TP63: variants seen among roughly 807,000 people sequenced by gnomAD.
TP63 encodes the protein tumor protein 63.
TP63 carries 17 observed loss-of-function variants against 82.8 expected under a neutral mutation model. The ratio of observed to expected loss-of-function variants is 0.21; its 90% CI spans 0.14 to 0.31. TP63 has a LOEUF of 0.31. Among genes scored for constraint, TP63 ranks in the 10% least tolerant of loss-of-function variants. The pLI is 1.00. For missense variants in TP63, 648 were observed against 895.3 expected, an observed-to-expected ratio of 0.72 and a Z score of 3.52; for synonymous variants, 330 against 321.7, an observed-to-expected ratio of 1.03 and a Z score of -0.28.
intron 3 of TP63, among the ~76,000 whole-genome samples, chr3:189,770,982 T>A (rs1042123395): frequency 6.6e-6 from 1 of 152,110 alleles, no homozygotes; most frequent in African/African-American, 2.4e-5. Flanking sequence ...TTTATTACCC[T>A]TGCTCCTCAC....
chr3:189,842,020 G>T (rs1714195116), intron 4 of TP63, among the ~76,000 whole-genome samples: 1 of 152,226 alleles, frequency 6.6e-6, no homozygotes, highest in Admixed American at 6.5e-5. Flanking sequence ...GGGAAAACCA[G>T]TTTGGGCCCA....
chr3:189,783,440 T>G (rs1365510037), intron 3 of TP63, among the ~76,000 whole-genome samples: 1 of 151,950 alleles, frequency 6.6e-6, no homozygotes, highest in African/African-American at 2.4e-5. Flanking sequence ...ATACATTGTG[T>G]ATTTTCTATA....
chr3:189,705,627 G>A (rs73892314), intron 1 of TP63, among the ~76,000 whole-genome samples: 1,705 of 152,104 alleles, frequency 0.011, 31 homozygotes, highest in African/African-American at 0.039. Flanking sequence ...CAATGGGAGA[G>A]CATATGGAGT....
At chr3:189,891,147 A>G (rs1037487388) in intron 13 of TP63, among the ~76,000 whole-genome samples, 9 of 152,212 alleles carry the variant, frequency 5.9e-5, no homozygotes, top group African/African-American at 2.2e-4. Flanking sequence ...AAGGTGGGAA[A>G]GAGGAGCTAT....
upstream of TP63, among the ~76,000 whole-genome samples, chr3:189,626,942 G>A (rs1212096674): frequency 1.3e-5 from 2 of 150,856 alleles, no homozygotes; most frequent in Non-Finnish European, 3.0e-5. Flanking sequence ...TTGTTTGTTT[G>A]TGTGTTTTTT....
chr3:189,697,074 A>T (rs553902369), intron 1 of TP63, among the ~76,000 whole-genome samples: 3 of 152,090 alleles, frequency 2.0e-5, no homozygotes, highest in African/African-American at 4.8e-5. Context: ...TTCTGAGATT[A>T]TACATTTTAT....
chr3:189,773,034 C>T (rs1723493762), intron 3 of TP63, among the ~76,000 whole-genome samples: 1 of 152,124 alleles, frequency 6.6e-6, no homozygotes, highest in Non-Finnish European at 1.5e-5. Context: ...AATAAATCAG[C>T]GAAAATGTTT....
At chr3:189,604,016 C>T in the TP63 span, among the ~76,000 whole-genome samples, 1 of 151,962 alleles carries the variant, frequency 6.6e-6, no homozygotes, top group Non-Finnish European at 1.5e-5. Flanking sequence ...GTAAATAGAA[C>T]ACTTGAAAAA....
chr3:189,887,203 A>G (rs1484891898), intron 11 of TP63, among the ~76,000 whole-genome samples: 1 of 143,968 alleles, frequency 6.9e-6, no homozygotes, highest in Non-Finnish European at 1.5e-5. Flanking sequence ...AGTGAGACTC[A>G]GTCTCAAAAA....
chr3:189,867,690 C>T, intron 6 of TP63, 143 bp from the exon 7 acceptor site: 2 of 770,804 alleles, frequency 2.6e-6, no homozygotes, highest in South Asian at 3.0e-5. Flanking sequence ...GAAAAATCTA[C>T]AACAGGGTTC....
chr3:189,605,785 G>T, the TP63 span, among the ~76,000 whole-genome samples: 5 of 151,854 alleles, frequency 3.3e-5, no homozygotes, highest in East Asian at 1.9e-4. Context: ...AAAAAAATAA[G>T]AAGTCTTTCA....
intron 1 of TP63, among the ~76,000 whole-genome samples, chr3:189,641,408 A>G (rs1191545912): frequency 6.6e-6 from 1 of 152,148 alleles, no homozygotes; most frequent in Non-Finnish European, 1.5e-5. Context: ...GTGACTTGCT[A>G]CTACTTATAT....
intron 3 of TP63, among the ~76,000 whole-genome samples, chr3:189,778,467 T>A (rs959308016): frequency 6.6e-6 from 1 of 152,214 alleles, no homozygotes; most frequent in Non-Finnish European, 1.5e-5. Context: ...TTTCCTATTA[T>A]GTGAACCAGT....
chr3:189,745,577 C>T (rs1269401396), intron 3 of TP63, among the ~76,000 whole-genome samples: 2 of 151,690 alleles, frequency 1.3e-5, no homozygotes, highest in Non-Finnish European at 2.9e-5. Flanking sequence ...CGTGATGGCG[C>T]ATGCCTGTAA....
intron 1 of TP63, among the ~76,000 whole-genome samples, chr3:189,682,576 A>ATG (rs1716071647): frequency 2.0e-5 from 1 of 49,194 alleles, no homozygotes; most frequent in Non-Finnish European, 4.4e-5. Flanking sequence ...ATATATATAT[A>ATG]TATATATATA....
At chr3:189,769,285 A>G (rs915731586) in intron 3 of TP63, among the ~76,000 whole-genome samples, 2 of 152,230 alleles carry the variant, frequency 1.3e-5, no homozygotes, top group African/African-American at 4.8e-5. Context: ...GTAAGGATCA[A>G]GTTGAATAAT....
chr3:189,777,479 GAGCCAC>G (rs1341143649), intron 3 of TP63, among the ~76,000 whole-genome samples: 11 of 152,208 alleles, frequency 7.2e-5, no homozygotes, highest in Admixed American at 5.9e-4. Context: ...TTACAGGTGT[GAGCCAC>G]CATGCCTGGC....
chr3:189,662,988 T>C (rs1249213398), intron 1 of TP63, among the ~76,000 whole-genome samples: 1 of 150,898 alleles, frequency 6.6e-6, no homozygotes, highest in Non-Finnish European at 1.5e-5. Flanking sequence ...TTTTAACTTA[T>C]TATGTGGCTT....
intron 1 of TP63, among the ~76,000 whole-genome samples, chr3:189,672,621 A>AAAGG (rs75202891): frequency 7.8e-6 from 1 of 128,358 alleles, no homozygotes. Flanking sequence ...TAGAAAGAAA[A>AAAGG]AAGGAAGGAA....
Sources: allele counts gnomAD v4.1 joint callset (sites outside exome capture counted in the v4.1 genomes callset), GRCh38; gene constraint gnomAD v4.1.1; transcripts MANE v1.5; gene names NCBI Gene and HGNC (gene_info 2026-07-23, HGNC 2026-07-21).